The following IFT140 variants were observed in gnomAD, a reference collection of about 807,000 sequenced individuals.
IFT140 encodes the protein intraflagellar transport 140.
A neutral mutation model predicts 164.6 loss-of-function variants in IFT140; 133 were observed. The observed-to-expected ratio is 0.81, with a 90% CI of 0.70 to 0.93. The LOEUF is 0.93. IFT140 is among the 40% of genes least tolerant of loss of function. The probability of loss-of-function intolerance (pLI) is 0.00; values close to 1 mark genes in which losing one functional copy is unlikely to be tolerated. For synonymous variants in IFT140, 860 were observed against 817.3 expected (o/e 1.05, Z -0.89); for missense variants, 2,045 against 1,972.3 (o/e 1.04, Z -0.70).
At chr16:1,555,258 A>G in intron 19 of IFT140, 1 of 552,030 alleles carries the variant, frequency 1.8e-6, no homozygotes, top group Non-Finnish European at 3.2e-6. Flanking sequence ...TGGTTAGCGC[A>G]ACGCGGCTCC....
chr16:1,608,685 A>G (rs772639952), intron 2 of IFT140, among the ~76,000 whole-genome samples: 2 of 152,024 alleles, frequency 1.3e-5, no homozygotes, highest in East Asian at 1.9e-4. Context: ...CTCCAGATCA[A>G]AACCTGGGCA....
chr16:1,566,063 T>C, intron 16 of IFT140, 98 bp downstream of exon 16: 2 of 1,217,098 alleles, frequency 1.6e-6, no homozygotes, highest in Non-Finnish European at 2.3e-6. Flanking sequence ...TGCTGGGGCC[T>C]TTTGAAGGCG....
At chr16:1,584,541 G>A (rs190990883) in intron 10 of IFT140, 121 bp from the exon 11 acceptor site, 528 of 761,864 alleles carry the variant, frequency 6.9e-4, no homozygotes, top group South Asian at 1.3e-3. Context: ...CCATTGTTCC[G>A]GACTTAAAAA....
chr16:1,603,457 C>T (rs971500566), intron 3 of IFT140, among the ~76,000 whole-genome samples: 2 of 152,020 alleles, frequency 1.3e-5, no homozygotes, highest in African/African-American at 4.8e-5. Flanking sequence ...TCACTAATGA[C>T]AGCTTGTGAG....
chr16:1,546,650 G>T (rs1014344574), intron 19 of IFT140, among the ~76,000 whole-genome samples: 1 of 152,222 alleles, frequency 6.6e-6, no homozygotes, highest in Non-Finnish European at 1.5e-5. Flanking sequence ...TCCCTCGGGG[G>T]CGCAAACTGT....
chr16:1,536,716 C>G (rs2294626), intron 19 of IFT140, among the ~76,000 whole-genome samples: 42,800 of 152,062 alleles, frequency 0.28, 7,191 homozygotes, highest in African/African-American at 0.46. Context: ...CAGAGTCTCC[C>G]TTGGCCGTGC....
chr16:1,585,104 G>A (rs1411193114), intron 10 of IFT140, among the ~76,000 whole-genome samples: 1 of 152,218 alleles, frequency 6.6e-6, no homozygotes, highest in Non-Finnish European at 1.5e-5. Context: ...ACCAAATGCT[G>A]CAGAGAAATT....
intron 14 of IFT140, among the ~76,000 whole-genome samples, chr16:1,570,625 C>T (rs946967667): frequency 6.6e-6 from 1 of 152,198 alleles, no homozygotes; most frequent in Non-Finnish European, 1.5e-5. Flanking sequence ...TCGCCAGGGC[C>T]TCCCCTCACT....
Position 1,520,833 on chromosome 16 carries a change from G to A in IFT140, c.3454-25C>T. ...ACTGCAAAGGTGCAGAAATGGGACGGGGCTGCCGAGGGGGCCGGGAACTGA... is the reference window on the plus strand; with the variant it reads ...ACTGCAAAGGTGCAGAAATGGGACGAGGCTGCCGAGGGGGCCGGGAACTGA... On this transcript the variant is annotated intron_variant, in intron 26 of 30. Coordinates refer to ENST00000426508, the MANE Select transcript of IFT140 (RefSeq NM_014714.4). 3 of 1,588,056 alleles carry A rather than the reference G, an allele frequency of 1.9e-6. No individual in the cohort carries two copies. The East Asian group carries it at 6.7e-5, about 36-fold the overall frequency.
intron 10 of IFT140, among the ~76,000 whole-genome samples, chr16:1,584,689 T>A (rs565591765): frequency 3.3e-5 from 5 of 152,100 alleles, no homozygotes; most frequent in African/African-American, 9.6e-5. Context: ...GGAAGAGCGT[T>A]TTCTAGAGTT....
At chr16:1,524,242 C>CCAACAG in intron 24 of IFT140, 1 of 603,598 alleles carries the variant, frequency 1.7e-6, no homozygotes, top group South Asian at 2.1e-5. Flanking sequence ...TGCAGAACGC[C>CCAACAG]CAACAGCTAT....
At chr16:1,601,975 C>T (rs2035817183) in intron 4 of IFT140, among the ~76,000 whole-genome samples, 1 of 152,342 alleles carries the variant, frequency 6.6e-6, no homozygotes, top group South Asian at 2.1e-4. Flanking sequence ...CCACCACCCA[C>T]CCACAGGGGT....
chr16:1,582,102 C>T (rs2034603704), intron 12 of IFT140, among the ~76,000 whole-genome samples: 1 of 152,004 alleles, frequency 6.6e-6, no homozygotes, highest in African/African-American at 2.4e-5. Context: ...ATGGGGGGAG[C>T]TGAGCTGCAC....
chr16:1,572,164 C>T (rs1030715691), intron 13 of IFT140, among the ~76,000 whole-genome samples: 1 of 152,180 alleles, frequency 6.6e-6, no homozygotes, highest in African/African-American at 2.4e-5. Context: ...AAGAAGTCAG[C>T]CAGGTGGGCA....
intron 12 of IFT140, among the ~76,000 whole-genome samples, chr16:1,582,676 G>A (rs1400010807): frequency 1.3e-5 from 2 of 152,272 alleles, no homozygotes; most frequent in Non-Finnish European, 2.9e-5. Flanking sequence ...GGCCGAGGCA[G>A]GCAAATCACC....
chr16:1,587,785 G>T (rs2034966338), intron 8 of IFT140, 148 bp downstream of exon 8: 2 of 635,430 alleles, frequency 3.1e-6, no homozygotes. Flanking sequence ...CCTCAGTCTG[G>T]GAGCTGGTGA....
intron 29 of IFT140, among the ~76,000 whole-genome samples, chr16:1,519,057 G>A (rs1477478397): frequency 2.6e-5 from 4 of 152,146 alleles, no homozygotes; most frequent in African/African-American, 9.7e-5. Context: ...CCCACGTCCT[G>A]TGCTATCCCT....
At chr16:1,557,887 C>A (rs1275789321) in intron 19 of IFT140, 48 bp downstream of exon 19, 6 of 1,568,868 alleles carry the variant, frequency 3.8e-6, no homozygotes, top group East Asian at 2.3e-5. Flanking sequence ...AAGGAAAGAG[C>A]CGTGAGCACG....
At chr16:1,570,127 T>G (rs923121608) in intron 14 of IFT140, among the ~76,000 whole-genome samples, 2 of 152,124 alleles carry the variant, frequency 1.3e-5, no homozygotes, top group Non-Finnish European at 2.9e-5. Context: ...ATTTGTACAT[T>G]TCCTGTCCTG....
Sources: gnomAD v4.1 joint callset for allele counts (sites outside exome capture counted in the v4.1 genomes callset) on GRCh38, gnomAD v4.1.1 for gene constraint, MANE v1.5 for transcripts, NCBI Gene and HGNC (gene_info 2026-07-23, HGNC 2026-07-21) for gene names.